ACTN4: variants seen among roughly 807,000 people sequenced by gnomAD.
ACTN4 encodes alpha-actinin-4.
Under a neutral mutation model 114.2 loss-of-function variants are expected in ACTN4, and 18 were observed. The observed-to-expected ratio is 0.16, with a 90% CI of 0.11 to 0.23. The LOEUF (loss-of-function observed/expected upper bound fraction) is 0.23, where lower values mean the gene tolerates loss of function less well. Among genes scored for constraint, ACTN4 ranks in the 10% least tolerant of loss-of-function variants. The pLI, the probability that ACTN4 is intolerant of heterozygous loss-of-function variation, is 1.00. For synonymous variants in ACTN4, 515 were observed against 506.3 expected, an observed-to-expected ratio of 1.02 and a Z score of -0.23; for missense variants, 722 against 1,262.9, an observed-to-expected ratio of 0.57 and a Z score of 6.49.
At chr19:38,659,740 C>G (rs796703339) in intron 1 of ACTN4, among the ~76,000 whole-genome samples, 21 of 152,108 alleles carry the variant, frequency 1.4e-4, no homozygotes, top group African/African-American at 4.8e-4. Flanking sequence ...ATCAGACATT[C>G]CAAGCATAGT....
chr19:38,702,694 T>G (rs1315529143), intron 3 of ACTN4, among the ~76,000 whole-genome samples: 1 of 152,162 alleles, frequency 6.6e-6, no homozygotes. Context: ...CTCTGAACCC[T>G]AGGACAGGGT....
chr19:38,648,115 C>T (rs1976443777), intron 1 of ACTN4: 2 of 529,428 alleles, frequency 3.8e-6, no homozygotes, highest in South Asian at 3.8e-5. Context: ...AGAGAATTGG[C>T]GGCTGGGTGG....
At chr19:38,653,046 A>G (rs962230561) in intron 1 of ACTN4, among the ~76,000 whole-genome samples, 10 of 150,002 alleles carry the variant, frequency 6.7e-5, no homozygotes, top group Non-Finnish European at 1.5e-4. Flanking sequence ...AGATCGCGCT[A>G]CTGCACTCCA....
chr19:38,675,851 C>T (rs1967357363), intron 1 of ACTN4, among the ~76,000 whole-genome samples: 1 of 152,186 alleles, frequency 6.6e-6, no homozygotes, highest in South Asian at 2.1e-4. Flanking sequence ...CAGAGGGCCC[C>T]AGTGTGTTGT....
At position 38,729,351 on chromosome 19, in the gene ACTN4, A is replaced by T. The variant is rs760908837; in HGVS notation, c.2655A>T (p.Pro885=). The stretch of plus-strand genomic sequence containing the variant: ...AGTACTGCATCGCCCGCATGGCGCC[A>T]TACCAGGGCCCTGACGCCGTGCCCG... ...QAEYCIARMA[P]YQGPDAVPGA... The change falls in exon 21 of 21, where the codon CCA becomes CCT. Residue 885 remains proline (P), a synonymous_variant. Coordinates refer to ENST00000252699, the MANE Select transcript of ACTN4 (RefSeq NM_004924.6). 1.9e-6 allele frequency: 3 copies of T among 1,612,508 alleles called. No homozygotes were observed. The highest frequency in any genetic ancestry group is 2.2e-5 in the South Asian group (2 of 91,064).
chr19:38,710,161 C>G, intron 7 of ACTN4, 96 bp from the exon 8 acceptor site: 1 of 1,335,144 alleles, frequency 7.5e-7, no homozygotes, highest in Non-Finnish European at 1.1e-6. Context: ...TCCCTCTCCC[C>G]CAAGGCCGTG....
At chr19:38,679,283 G>GCATCTGCGCATCACTTACCATGGT (rs1308986363) in intron 1 of ACTN4, among the ~76,000 whole-genome samples, 100 of 152,258 alleles carry the variant, frequency 6.6e-4, no homozygotes, top group African/African-American at 2.4e-3. Flanking sequence ...ATCCCCGAGG[G>GCATCTGCGCATCACTTACCATGGT]CATCTGCGCA....
intron 8 of ACTN4, among the ~76,000 whole-genome samples, chr19:38,713,156 C>T (rs1315332474): frequency 2.0e-5 from 3 of 152,148 alleles, no homozygotes; most frequent in Admixed American, 1.3e-4. Flanking sequence ...CCAGGTCTAG[C>T]GCCAGTGTGC....
At chr19:38,691,185 G>A (rs531093557) in intron 1 of ACTN4, among the ~76,000 whole-genome samples, 2 of 152,246 alleles carry the variant, frequency 1.3e-5, no homozygotes, top group East Asian at 3.9e-4. Flanking sequence ...GGAGGCCGAG[G>A]TGGGCGGATC....
chr19:38,711,371 G>A (rs1269495177), intron 8 of ACTN4: 1 of 1,025,626 alleles, frequency 9.8e-7, no homozygotes, highest in Non-Finnish European at 1.2e-6. Context: ...GGTGAGCTGG[G>A]CCAGGCACAC....
At chr19:38,706,255 CT>C in intron 5 of ACTN4, 124 bp downstream of exon 5, 1 of 1,005,062 alleles carries the variant, frequency 9.9e-7, no homozygotes, top group Non-Finnish European at 1.5e-6. Context: ...CAGCCCCTCC[CT>C]GGCCACGGGC....
At position 38,710,447 on chromosome 19, in the gene ACTN4, C is replaced by G. The variant is rs1310795809; in HGVS notation, c.819+105C>G. Reference sequence around the variant, plus strand: ...CATTTCTCTTGCAGACGGCAGTGGCCTCTCTCCAACTGGAAGCCACCCCCA... The same window carrying G: ...CATTTCTCTTGCAGACGGCAGTGGCGTCTCTCCAACTGGAAGCCACCCCCA... On this transcript the variant is annotated intron_variant, in intron 8 of 20. Coordinates refer to ENST00000252699, the MANE Select transcript of ACTN4 (RefSeq NM_004924.6). 5 of 1,255,548 alleles carry G rather than the reference C, an allele frequency of 4.0e-6. No homozygotes were observed. The African/African-American group carries it at 7.4e-5, about 18-fold the overall frequency. 77.8% of individuals were successfully genotyped at this position (1,255,548 alleles called of 1,614,324 possible).
intron 1 of ACTN4, among the ~76,000 whole-genome samples, chr19:38,688,936 G>C (rs1321899841): frequency 1.3e-5 from 2 of 152,166 alleles, no homozygotes; most frequent in Non-Finnish European, 2.9e-5. Flanking sequence ...TTTTAGTAGA[G>C]ACGGGGTTTC....
Position 38,729,735 on chromosome 19 carries a change from C to CCTT in ACTN4, c.*305_*307dup. 1 of 577,750 alleles carries CCTT rather than the reference C, an allele frequency of 1.7e-6. No individual in the cohort carries two copies. Among genetic ancestry groups the CCTT allele is most frequent in the Non-Finnish European group, 3.3e-6 (1 of 307,638 alleles). The allele number at this position is 577,750 out of a possible 1,614,324, so 35.8% of individuals were successfully genotyped here. Reference sequence around the variant, plus strand: ...GTGGATTCCCACAGCACAACCGGTCCCTTCCATGCCCTGGGATGCCTCACC... The same window carrying CCTT: ...GTGGATTCCCACAGCACAACCGGTCCCTTCTTCCATGCCCTGGGATGCCTCACC... On this transcript the variant is annotated 3_prime_UTR_variant, in exon 21 of 21. Transcript: ENST00000252699.
At chr19:38,668,980 T>C (rs1339573413) in intron 1 of ACTN4, among the ~76,000 whole-genome samples, 2 of 152,098 alleles carry the variant, frequency 1.3e-5, no homozygotes, top group Non-Finnish European at 2.9e-5. Flanking sequence ...AGGAGTCACC[T>C]TGGGATCCAG....
chr19:38,728,401 C>T, intron 19 of ACTN4: 1 of 1,356,400 alleles, frequency 7.4e-7, no homozygotes, highest in Non-Finnish European at 9.8e-7. Context: ...TCTGTCTCCC[C>T]AGCCACCCGC....
intron 8 of ACTN4, chr19:38,710,841 C>A: frequency 3.7e-6 from 1 of 268,074 alleles, no homozygotes; most frequent in Non-Finnish European, 7.4e-6. Flanking sequence ...TTGGCGTATT[C>A]AGGGACCAGC....
intron 11 of ACTN4, 67 bp from the exon 12 acceptor site, chr19:38,721,471 C>T: frequency 6.3e-7 from 1 of 1,586,644 alleles, no homozygotes; most frequent in Non-Finnish European, 8.6e-7. Flanking sequence ...TCTGCTTGGA[C>T]AGCCCCTCCA....
At chr19:38,697,297 C>T (rs1968127917) in intron 1 of ACTN4, among the ~76,000 whole-genome samples, 1 of 152,210 alleles carries the variant, frequency 6.6e-6, no homozygotes, top group South Asian at 2.1e-4. Context: ...TCCCTGCATA[C>T]CAGTGGGTGG....
Sources: gnomAD v4.1 joint callset for allele counts (sites outside exome capture counted in the v4.1 genomes callset) on GRCh38, gnomAD v4.1.1 for gene constraint, MANE v1.5 for transcripts, NCBI Gene and HGNC (gene_info 2026-07-23, HGNC 2026-07-21) for gene names.